Variants in ARID4B observed in about 807,000 individuals in gnomAD.
The protein encoded by ARID4B is AT-rich interaction domain 4B.
Under a neutral mutation model 147.5 loss-of-function variants are expected in ARID4B, and 26 were observed. The ratio of observed to expected loss-of-function variants is 0.18; its 90% CI spans 0.13 to 0.24. ARID4B has a LOEUF of 0.24. Ranked by LOEUF, ARID4B falls within the 10% of genes least tolerant of loss-of-function variation. ARID4B has a pLI of 1.00. For missense variants in ARID4B, 1,179 were observed against 1,511.5 expected (o/e 0.78, Z 3.65); for synonymous variants, 512 against 507.9 (o/e 1.01, Z -0.11).
At chr1:235,289,339 C>A (rs952211724) in intron 2 of ARID4B, among the ~76,000 whole-genome samples, 4 of 152,124 alleles carry the variant, frequency 2.6e-5, no homozygotes, top group South Asian at 2.1e-4. Context: ...ATATAAATGA[C>A]AAACTCTACA....
chr1:235,298,344 A>C (rs2103236149), intron 2 of ARID4B, among the ~76,000 whole-genome samples: 1 of 152,218 alleles, frequency 6.6e-6, no homozygotes, highest in South Asian at 2.1e-4. Flanking sequence ...ATTCGTCTCT[A>C]ATCATTTATT....
At chr1:235,301,305 A>C (rs12736498) in intron 2 of ARID4B, among the ~76,000 whole-genome samples, 44,500 of 151,434 alleles carry the variant, frequency 0.29, 7,647 homozygotes, top group South Asian at 0.53. Context: ...TGGGAGGCCA[A>C]GGCGGGAGAA....
At chr1:235,255,356 G>C (rs543404395) in intron 5 of ARID4B, among the ~76,000 whole-genome samples, 1 of 150,128 alleles carries the variant, frequency 6.7e-6, no homozygotes, top group Non-Finnish European at 1.5e-5. Context: ...TAACATTACT[G>C]AACTATAAAC....
chr1:235,309,241 ACCGCC>A (rs1673829349), intron 2 of ARID4B, among the ~76,000 whole-genome samples: 1 of 112,002 alleles, frequency 8.9e-6, no homozygotes, highest in Non-Finnish European at 1.8e-5. Context: ...CCACCTGGCA[ACCGCC>A]CCATCTGAGA....
At chr1:235,327,076 CA>C (rs3840452) in intron 1 of ARID4B, 108 bp from the exon 2 acceptor site, 340,541 of 742,932 alleles carry the variant, frequency 0.46, 80,178 homozygotes, top group South Asian at 0.59. Flanking sequence ...GAAAGAGCCG[CA>C]ACCAGGCGCC....
chr1:235,311,645 G>A (rs921654286), intron 2 of ARID4B, among the ~76,000 whole-genome samples: 5 of 151,978 alleles, frequency 3.3e-5, no homozygotes, highest in Non-Finnish European at 2.9e-5. Context: ...GTGATGGCAC[G>A]GGACTGTAGT....
At chr1:235,258,936 A>G (rs1387664827) in intron 3 of ARID4B, among the ~76,000 whole-genome samples, 1 of 152,222 alleles carries the variant, frequency 6.6e-6, no homozygotes, top group Non-Finnish European at 1.5e-5. Context: ...CATATCAACA[A>G]ATTTGTTAAA....
At chr1:235,245,559 G>C (rs72756078) in intron 7 of ARID4B, among the ~76,000 whole-genome samples, 19,945 of 151,674 alleles carry the variant, frequency 0.13, 1,526 homozygotes, top group African/African-American at 0.2. Context: ...TAAAAACGTA[G>C]AAATTTTTTA....
At chr1:235,196,855 A>C (rs527710746) in intron 17 of ARID4B, among the ~76,000 whole-genome samples, 1 of 148,132 alleles carries the variant, frequency 6.8e-6, no homozygotes, top group African/African-American at 2.4e-5. Context: ...CTGTTTCACA[A>C]AAAAAAAAAA....
Position 235,182,563 on chromosome 1 carries a change from T to C in ARID4B, c.2356A>G (p.Ile786Val). Residue 786 changes from isoleucine to valine, a missense_variant, in exon 20 of 24, where the codon ATA (isoleucine) becomes GTA (valine). Physicochemically the swap from Ile to Val is conservative, Grantham distance 29. Around this residue, in one of 10 missense-constraint regions of ARID4B, gnomAD observed 321 missense variants for 342.4 expected, o/e 0.94. Transcript: ENST00000264183. ...SKSPERLRKD[I>V]EVLSEDTDYE... Reference sequence around the variant, plus strand: ...TCAGTATCTTCGGATAATACTTCTATATCTTTCCTTAATCTTTCTGGAGAT... The same window carrying C: ...TCAGTATCTTCGGATAATACTTCTACATCTTTCCTTAATCTTTCTGGAGAT... 2 of 1,612,432 alleles carry C rather than the reference T, an allele frequency of 1.2e-6. No homozygotes were observed. Among genetic ancestry groups the C allele is most frequent in the Non-Finnish European group, 1.7e-6 (2 of 1,179,658 alleles).
chr1:235,260,510 T>C (rs1670228059), intron 3 of ARID4B, 132 bp downstream of exon 3: 4 of 560,660 alleles, frequency 7.1e-6, no homozygotes, highest in Non-Finnish European at 9.0e-6. Flanking sequence ...AAAAATGCTT[T>C]GTTTTGAGGT....
chr1:235,177,435 G>A (rs1406046765), intron 21 of ARID4B, among the ~76,000 whole-genome samples: 3 of 151,792 alleles, frequency 2.0e-5, no homozygotes, highest in African/African-American at 4.8e-5. Context: ...GAAAACCTGT[G>A]TTTTTTTTGT....
At chr1:235,246,167 T>C (rs1669288311) in intron 7 of ARID4B, among the ~76,000 whole-genome samples, 1 of 152,226 alleles carries the variant, frequency 6.6e-6, no homozygotes, top group Admixed American at 6.5e-5. Flanking sequence ...AATTATTGAC[T>C]GGTTTCATTT....
intron 2 of ARID4B, among the ~76,000 whole-genome samples, chr1:235,294,289 TAA>T (rs1672529810): frequency 6.8e-6 from 1 of 147,918 alleles, no homozygotes; most frequent in Non-Finnish European, 1.5e-5. Context: ...ATGGGCAGAA[TAA>T]TGATATGCAA....
intron 2 of ARID4B, among the ~76,000 whole-genome samples, chr1:235,298,317 T>C (rs1375648702): frequency 1.3e-5 from 2 of 152,102 alleles, no homozygotes; most frequent in Admixed American, 6.6e-5. Context: ...ACCAGCATGT[T>C]TGTTACCATG....
chr1:235,276,002 T>C (rs114029967), intron 2 of ARID4B, among the ~76,000 whole-genome samples: 2,224 of 152,076 alleles, frequency 0.015, 33 homozygotes, highest in Non-Finnish European at 0.019. Context: ...CCAGGCGTGG[T>C]AGCACACACC....
rs148572443 is a variant in ARID4B, at chr1:235,272,559, A to G, written c.7-11807T>C. On this transcript the variant is annotated intron_variant, in intron 2 of 23. Transcript: ENST00000264183. ...AAAAAGCATGAGCTATGGAATCAAT[A>G]TCTGAGATCAAACTTTAGGTTCATA... Among the ~76,000 whole-genome samples the G allele has an allele frequency of 3.5e-4, 54 of 152,296 alleles. 2 individuals are homozygous for G. In the East Asian group the frequency reaches 0.01, roughly 28 times the overall value.
intron 1 of ARID4B, chr1:235,327,531 C>A (rs893035347): frequency 1.3e-5 from 2 of 152,240 alleles, no homozygotes; most frequent in African/African-American, 4.8e-5. Flanking sequence ...GCGGAACGGC[C>A]CCCACCCTGC....
At chr1:235,303,246 TGAC>T (rs1673315389) in intron 2 of ARID4B, among the ~76,000 whole-genome samples, 2 of 152,136 alleles carry the variant, frequency 1.3e-5, no homozygotes, top group South Asian at 4.1e-4. Context: ...TCTTAACCAA[TGAC>T]GCTGTACTAT....
Sources: allele counts gnomAD v4.1 joint callset (sites outside exome capture counted in the v4.1 genomes callset), GRCh38; gene constraint gnomAD v4.1.1; regional missense constraint gnomAD v4.1.1; transcripts MANE v1.5; gene names NCBI Gene and HGNC (gene_info 2026-07-23, HGNC 2026-07-21).